The following DIP2C variants were observed in gnomAD, a reference collection of about 807,000 sequenced individuals.
DIP2C encodes disco-interacting protein 2 homolog C.
DIP2C carries 33 observed loss-of-function variants against 192.4 expected under a neutral mutation model. The observed-to-expected ratio is 0.17, with a 90% CI of 0.13 to 0.23. The LOEUF (loss-of-function observed/expected upper bound fraction) is 0.23. Among genes scored for constraint, DIP2C ranks in the 10% least tolerant of loss-of-function variants. The probability of loss-of-function intolerance (pLI) is 1.00; values close to 1 mark genes in which losing one functional copy is unlikely to be tolerated. For synonymous variants in DIP2C, 979 were observed against 864.1 expected (o/e 1.13, Z -2.33); for missense variants, 1,537 against 2,110.1 (o/e 0.73, Z 5.32).
At chr10:411,324 C>G (rs919016169) in intron 8 of DIP2C, among the ~76,000 whole-genome samples, 2 of 152,050 alleles carry the variant, frequency 1.3e-5, no homozygotes, top group African/African-American at 4.8e-5. Context: ...TGAGGCAGGA[C>G]GTGAAGGGAA....
intron 17 of DIP2C, among the ~76,000 whole-genome samples, chr10:378,698 CAT>C (rs1353340440): frequency 1.3e-5 from 2 of 151,796 alleles, no homozygotes; most frequent in African/African-American, 4.8e-5. Flanking sequence ...TGCATACACA[CAT>C]GAACAGATAT....
intron 1 of DIP2C, among the ~76,000 whole-genome samples, chr10:580,592 ACAT>A (rs1479657397): frequency 2.0e-5 from 3 of 152,360 alleles, no homozygotes; most frequent in Non-Finnish European, 2.9e-5. Context: ...ACATACCTAT[ACAT>A]TGTAAATACA....
At chr10:598,896 T>C (rs192785032) in intron 1 of DIP2C, among the ~76,000 whole-genome samples, 48 of 152,354 alleles carry the variant, frequency 3.2e-4, no homozygotes, top group Non-Finnish European at 1.8e-4. Context: ...GCCATGTGAA[T>C]AGTTACTTTT....
intron 30 of DIP2C, among the ~76,000 whole-genome samples, chr10:327,914 G>T (rs1040419311): frequency 6.6e-6 from 1 of 152,188 alleles, no homozygotes; most frequent in African/African-American, 2.4e-5. Flanking sequence ...AATTCAAGGA[G>T]TTAAGCTCAG....
intron 34 of DIP2C, 59 bp downstream of exon 34, chr10:286,214 G>A: frequency 6.5e-7 from 1 of 1,543,708 alleles, no homozygotes; most frequent in South Asian, 1.1e-5. Context: ...ATGGTGTCAA[G>A]GCAAGCCAAG....
At chr10:293,200 G>T (rs937896552) in intron 32 of DIP2C, among the ~76,000 whole-genome samples, 2 of 152,216 alleles carry the variant, frequency 1.3e-5, no homozygotes, top group East Asian at 3.8e-4. Flanking sequence ...GGTCACTCAT[G>T]ACCTGAAGGG....
intron 32 of DIP2C, among the ~76,000 whole-genome samples, chr10:304,568 C>T (rs1227321486): frequency 7.2e-6 from 1 of 138,710 alleles, no homozygotes; most frequent in Non-Finnish European, 1.7e-5. Flanking sequence ...CACACACACA[C>T]ACACACTTCC....
chr10:651,594 T>C lies in DIP2C; in HGVS notation c.85+37900A>G. The C allele has an allele frequency of 2.7e-6, 1 of 373,576 alleles. No homozygotes were observed. 23.1% of individuals were successfully genotyped at this position (373,576 alleles called of 1,614,324 possible). ...GTTAAGCAGTATTTCCCCCAAAAGG[T>C]GCATCTTTTATAAAACAAGAACGCA... On this transcript the variant is annotated intron_variant, in intron 1 of 36. Coordinates refer to ENST00000280886, the MANE Select transcript of DIP2C (RefSeq NM_014974.3). This position sits in a 1 kb window ranked among gnomAD's most constrained non-coding sequence, Gnocchi z 4.1.
At chr10:399,311 G>GC in intron 9 of DIP2C, 92 bp from the exon 10 acceptor site, 1 of 900,758 alleles carries the variant, frequency 1.1e-6, no homozygotes, top group African/African-American at 1.6e-5. Context: ...GAGAGGGCAC[G>GC]CTTCAGTGAG....
At chr10:548,456 GAGGGAGGGAGGC>G (rs1191327414) in intron 1 of DIP2C, among the ~76,000 whole-genome samples, 14 of 146,738 alleles carry the variant, frequency 9.5e-5, no homozygotes, top group African/African-American at 3.5e-4. Context: ...GGGAGGGAGG[GAGGGAGGGAGGC>G]AGGCAGGCAG....
intron 1 of DIP2C, among the ~76,000 whole-genome samples, chr10:635,646 G>A (rs1018751894): frequency 1.3e-5 from 2 of 152,240 alleles, no homozygotes; most frequent in Non-Finnish European, 2.9e-5. Context: ...AGCCCTGGAG[G>A]AGGGGCCCAG....
intron 1 of DIP2C, among the ~76,000 whole-genome samples, chr10:584,274 C>G (rs1368909163): frequency 1.3e-5 from 2 of 152,228 alleles, no homozygotes. Flanking sequence ...TAAACAACCA[C>G]CAGCCATCAT....
chr10:281,157 C>T (rs1954800075), intron 36 of DIP2C, 43 bp downstream of exon 36: 1 of 1,605,206 alleles, frequency 6.2e-7, no homozygotes, highest in Non-Finnish European at 8.5e-7. Context: ...GCTTCACAAA[C>T]TCTGCTCCTG....
At chr10:551,643 A>T (rs1038154934) in intron 1 of DIP2C, among the ~76,000 whole-genome samples, 1 of 152,152 alleles carries the variant, frequency 6.6e-6, no homozygotes, top group Non-Finnish European at 1.5e-5. Context: ...CCGAGTGTGA[A>T]CAGTCAAGCT....
Position 472,474 on chromosome 10 carries a change from C to A in DIP2C, c.233G>T (p.Arg78Leu), listed in dbSNP as rs781236230. 6.2e-7 allele frequency: 1 copy of A among 1,614,174 alleles called. No homozygotes were observed. The highest frequency in any genetic ancestry group is 8.5e-7 in the Non-Finnish European group (1 of 1,180,032). Reference sequence around the variant, plus strand: ...GCGCTCATCTCGTGACCCTGAAGACCGTCGGCGGTGGTAGCGAGAGGCGGA... The same window carrying A: ...GCGCTCATCTCGTGACCCTGAAGACAGTCGGCGGTGGTAGCGAGAGGCGGA... ...PSSASRYHRR[R>L]SSGSRDERYR... The change falls in exon 3 of 37, where the codon CGG becomes CTG. Residue 78 changes from arginine to leucine, a missense_variant. Arg to Leu is a moderately radical substitution (Grantham distance 102). Around this residue, in one of 4 missense-constraint regions of DIP2C, gnomAD observed 473 missense variants for 539.6 expected, o/e 0.88. Coordinates refer to ENST00000280886, the MANE Select transcript of DIP2C (RefSeq NM_014974.3).
At chr10:594,880 T>C (rs1851614485) in intron 1 of DIP2C, among the ~76,000 whole-genome samples, 1 of 152,226 alleles carries the variant, frequency 6.6e-6, no homozygotes, top group Admixed American at 6.5e-5. Flanking sequence ...ATTCGGGCTT[T>C]GACCTTGAGC....
intron 17 of DIP2C, among the ~76,000 whole-genome samples, chr10:377,984 C>G (rs1961832499): frequency 6.6e-6 from 1 of 152,048 alleles, no homozygotes; most frequent in African/African-American, 2.4e-5. Context: ...TTAAGAAAAT[C>G]AAGTCTATCA....
intron 4 of DIP2C, among the ~76,000 whole-genome samples, chr10:428,543 C>T (rs559326094): frequency 9.2e-5 from 14 of 152,142 alleles, no homozygotes; most frequent in Admixed American, 2.0e-4. Context: ...TGGAGTGTAA[C>T]GTGTCTTTTT....
rs1474305737 is a variant in DIP2C, at chr10:652,957, C to A, written c.85+36537G>T. On this transcript the variant is annotated intron_variant, in intron 1 of 36. Transcript: ENST00000280886. The surrounding 1 kb of genome is among the most constrained non-coding windows in gnomAD (Gnocchi z 4.5). ...CACTGAGCCATAAACCCTCGCAAGA[C>A]TGTGGGCATCTCAAGGTGCCCCACG... Among the ~76,000 whole-genome samples the A allele has an allele frequency of 6.6e-6, 1 of 152,040 alleles. No individual in the cohort carries two copies. Among genetic ancestry groups the A allele is most frequent in the East Asian group, 1.9e-4 (1 of 5,178 alleles).
Sources: gnomAD v4.1 joint callset for allele counts (sites outside exome capture counted in the v4.1 genomes callset) on GRCh38, gnomAD v4.1.1 for gene constraint, gnomAD v4.1.1 regional missense constraint, Gnocchi (gnomAD v3.1) non-coding constraint, MANE v1.5 for transcripts, NCBI Gene and HGNC (gene_info 2026-07-23, HGNC 2026-07-21) for gene names.